CADPS: variants seen among roughly 807,000 people sequenced by gnomAD.
CADPS encodes calcium-dependent secretion activator 1.
In CADPS, 57 loss-of-function variants were observed where a neutral mutation model predicts 167.3. The observed-to-expected ratio is 0.34, with a 90% CI of 0.28 to 0.42. The LOEUF (loss-of-function observed/expected upper bound fraction) is 0.42. Ranked by LOEUF, CADPS falls within the 20% of genes least tolerant of loss-of-function variation. The pLI, the probability that CADPS is intolerant of heterozygous loss-of-function variation, is 1.00. For missense variants in CADPS, 1,414 were observed against 1,738.1 expected, an observed-to-expected ratio of 0.81 and a Z score of 3.32; for synonymous variants, 676 against 635.3, an observed-to-expected ratio of 1.06 and a Z score of -0.96.
At chr3:62,809,224 A>C (rs534295303) in intron 1 of CADPS, among the ~76,000 whole-genome samples, 268 of 152,268 alleles carry the variant, frequency 1.8e-3, no homozygotes, top group African/African-American at 6.2e-3. Context: ...TTAAAAAAAA[A>C]TATATTGAAT....
At position 62,650,996 on chromosome 3, in the gene CADPS, C is replaced by T. The variant is rs780167475; in HGVS notation, c.1054G>A (p.Ala352Thr). ...GATACCGGCATGCTCTCCAAGTTGG[C>T]CATGAGCAGGTTGACAGATGACTTC... Reference protein sequence around the residue: ...ELKSSVNLLMANLESMPVSKG... With the variant: ...ELKSSVNLLMTNLESMPVSKG... Residue 352 changes from alanine (A) to threonine (T), a missense_variant, in exon 5 of 30, where the codon GCC (alanine) becomes ACC (threonine). Physicochemically the swap from Ala to Thr is moderately conservative, Grantham distance 58. This residue lies in a region of CADPS where 522 missense variants were observed against 559.5 expected (regional missense o/e 0.93). Transcript: ENST00000383710. The T allele has an allele frequency of 1.9e-6, 3 of 1,614,072 alleles. No individual in the cohort carries two copies. Among genetic ancestry groups the T allele is most frequent in the Non-Finnish European group, 2.5e-6 (3 of 1,179,958 alleles).
intron 6 of CADPS, among the ~76,000 whole-genome samples, chr3:62,609,115 A>G (rs2061129311): frequency 6.6e-6 from 1 of 152,190 alleles, no homozygotes; most frequent in Non-Finnish European, 1.5e-5. Flanking sequence ...GACAATAACA[A>G]AACTTGCTTT....
Position 62,874,818 on chromosome 3 carries a change from C to G in CADPS, c.212G>C (p.Ser71Thr). Residue 71 changes from serine (S) to threonine (T), a missense_variant, in exon 1 of 30, where the codon AGC (serine) becomes ACC (threonine). Ser to Thr is a moderately conservative substitution (Grantham distance 58). Transcript: ENST00000383710. The surrounding 1 kb of genome is among the most constrained non-coding windows in gnomAD (Gnocchi z 7.1). ...AGGGGGSGAS[S>T]GGGAGGLQPS... is the part of the protein sequence containing the mutation. ...TTGCAGCCCCCCGGCCCCGCCGCCG[C>G]TGCTCGCGCCGCTGCCCCCGCCGCC... 9.3e-7 allele frequency: 1 copy of G among 1,080,128 alleles called. No individual in the cohort carries two copies. Among genetic ancestry groups the G allele is most frequent in the South Asian group, 4.1e-5 (1 of 24,618 alleles). The allele number at this position is 1,080,128 out of a possible 1,614,324, so 66.9% of individuals were successfully genotyped here.
rs576415736 is a variant in CADPS at position 62,639,767 on chromosome 3, T to C, written c.1325+5955A>G. 7.9e-5 allele frequency among the ~76,000 whole-genome samples: 12 copies of C among 152,262 alleles called. 1 individual carries two copies. In the South Asian group the frequency reaches 2.5e-3, roughly 32 times the overall value. On this transcript the variant is annotated intron_variant, in intron 6 of 29. Coordinates refer to ENST00000383710, the MANE Select transcript of CADPS (RefSeq NM_003716.4). ...CCCTTTGCGTGGCCCCTAAGACCTG[T>C]AAGTTGTCGGCCCTGCCCTGCTCTC...
chr3:62,748,013 A>C (rs912600143), intron 3 of CADPS, among the ~76,000 whole-genome samples: 11 of 151,862 alleles, frequency 7.2e-5, no homozygotes, highest in African/African-American at 2.2e-4. Context: ...AGAAGAGTCT[A>C]TTTGCCTTTA....
intron 8 of CADPS, among the ~76,000 whole-genome samples, chr3:62,576,642 T>A (rs1578112227): frequency 2.0e-5 from 2 of 99,224 alleles, no homozygotes; most frequent in Non-Finnish European, 2.2e-5. Context: ...AAAAAAAAAA[T>A]TAGCTGGGCA....
intron 9 of CADPS, among the ~76,000 whole-genome samples, chr3:62,561,833 A>T (rs145517021): frequency 6.6e-6 from 1 of 152,294 alleles, no homozygotes; most frequent in East Asian, 1.9e-4. Context: ...TTCTTTGAAA[A>T]TTAATCAGCT....
At chr3:62,718,152 A>T (rs567693219) in intron 3 of CADPS, among the ~76,000 whole-genome samples, 11 of 151,950 alleles carry the variant, frequency 7.2e-5, no homozygotes, top group Non-Finnish European at 1.6e-4. Flanking sequence ...ATCTTATTTC[A>T]TTAGTCACAT....
intron 3 of CADPS, among the ~76,000 whole-genome samples, chr3:62,726,495 T>A (rs13088171): frequency 0.083 from 12,598 of 151,920 alleles, 672 homozygotes; most frequent in Non-Finnish European, 0.11. Context: ...ATCAGGTGGA[T>A]TGAGTATCTA....
rs2083265800 is a variant in CADPS at position 62,710,869 on chromosome 3, G to A, written c.888+42572C>T. Among the ~76,000 whole-genome samples, 4 of 152,180 alleles carry A rather than the reference G, an allele frequency of 2.6e-5. No individual in the cohort carries two copies. The South Asian group carries it at 8.3e-4, about 32-fold the overall frequency. ...CTCAGGCTAACCGGAGCTTATTATC[G>A]CTGCCTCCTCCCCGTGCTTATCATT... On this transcript the variant is annotated intron_variant, in intron 3 of 29. Transcript: ENST00000383710.
intron 1 of CADPS, among the ~76,000 whole-genome samples, chr3:62,809,874 C>T (rs2094311766): frequency 2.0e-5 from 3 of 152,138 alleles, no homozygotes; most frequent in African/African-American, 4.8e-5. Context: ...TAGACTCTCA[C>T]CCCCATCATT....
chr3:62,869,261 C>T (rs191047180), intron 1 of CADPS, among the ~76,000 whole-genome samples: 3 of 152,156 alleles, frequency 2.0e-5, no homozygotes, highest in Admixed American at 2.0e-4. Flanking sequence ...ATATGGAAGT[C>T]ATTTAGCCTC....
chr3:62,616,721 C>G (rs1033799019), intron 6 of CADPS, among the ~76,000 whole-genome samples: 2 of 152,064 alleles, frequency 1.3e-5, no homozygotes, highest in African/African-American at 4.8e-5. Context: ...ATATGTGCAA[C>G]AGTCCTGTGA....
intron 4 of CADPS, among the ~76,000 whole-genome samples, chr3:62,654,720 C>T (rs1424953405): frequency 6.6e-6 from 1 of 152,096 alleles, no homozygotes; most frequent in Non-Finnish European, 1.5e-5. Context: ...TGTATCTTGC[C>T]TCCTCATACT....
At chr3:62,656,594 G>A (rs913327626) in intron 4 of CADPS, among the ~76,000 whole-genome samples, 1 of 152,226 alleles carries the variant, frequency 6.6e-6, no homozygotes, top group East Asian at 1.9e-4. Flanking sequence ...TTTCATCCTG[G>A]TCAGCAGAAG....
chr3:62,534,390 G>A (rs1165737173), intron 12 of CADPS, among the ~76,000 whole-genome samples: 1 of 152,112 alleles, frequency 6.6e-6, no homozygotes, highest in Non-Finnish European at 1.5e-5. Flanking sequence ...TTGACAACAT[G>A]CAGCTCAGTG....
At chr3:62,771,540 G>A (rs1174427306) in intron 1 of CADPS, among the ~76,000 whole-genome samples, 2 of 152,130 alleles carry the variant, frequency 1.3e-5, no homozygotes, top group Non-Finnish European at 2.9e-5. Context: ...GCCCAGAGTA[G>A]CTGACAGTAC....
At chr3:62,811,716 C>T in intron 1 of CADPS, among the ~76,000 whole-genome samples, 1 of 152,140 alleles carries the variant, frequency 6.6e-6, no homozygotes. Context: ...TCATACAGGG[C>T]AAGGGCTGGT....
intron 17 of CADPS, among the ~76,000 whole-genome samples, chr3:62,501,505 C>T (rs778714763): frequency 6.6e-6 from 1 of 152,154 alleles, no homozygotes; most frequent in Non-Finnish European, 1.5e-5. Context: ...ACCCATTCGA[C>T]ACATACACCC....
Sources: allele counts gnomAD v4.1 joint callset (sites outside exome capture counted in the v4.1 genomes callset), GRCh38; gene constraint gnomAD v4.1.1; regional missense constraint gnomAD v4.1.1; non-coding constraint Gnocchi (gnomAD v3.1); transcripts MANE v1.5; gene names NCBI Gene and HGNC (gene_info 2026-07-23, HGNC 2026-07-21).